Variants in YIPF4 observed in about 807,000 individuals in gnomAD.
The protein encoded by YIPF4 is protein YIPF4.
In YIPF4, 18 loss-of-function variants were observed where a neutral mutation model predicts 29.4. The observed-to-expected ratio is 0.61, with a 90% CI of 0.42 to 0.91. YIPF4 has a LOEUF of 0.91. Ranked by LOEUF, YIPF4 falls within the 40% of genes least tolerant of loss-of-function variation. The pLI is 0.00. For missense variants in YIPF4, 279 were observed against 282.7 expected, an observed-to-expected ratio of 0.99 and a Z score of 0.09; for synonymous variants, 115 against 104.7, an observed-to-expected ratio of 1.10 and a Z score of -0.60.
At chr2:32,283,518 T>C (rs2030526122) in intron 1 of YIPF4, among the ~76,000 whole-genome samples, 1 of 152,192 alleles carries the variant, frequency 6.6e-6, no homozygotes, top group Non-Finnish European at 1.5e-5. Flanking sequence ...GCTTAGAATG[T>C]CTTTCTCCTC....
At chr2:32,294,778 T>C (rs1257634832) in intron 3 of YIPF4, among the ~76,000 whole-genome samples, 3 of 152,036 alleles carry the variant, frequency 2.0e-5, no homozygotes, top group South Asian at 4.2e-4. Context: ...CTGGGCACCA[T>C]TGAGCACTGA....
intron 5 of YIPF4, among the ~76,000 whole-genome samples, chr2:32,303,696 A>G (rs934646156): frequency 6.6e-6 from 1 of 152,158 alleles, no homozygotes; most frequent in Non-Finnish European, 1.5e-5. Flanking sequence ...TAAAAACCCA[A>G]ATTGTAATAT....
intron 4 of YIPF4, 44 bp downstream of exon 4, chr2:32,298,355 G>C: frequency 6.7e-7 from 1 of 1,494,890 alleles, no homozygotes; most frequent in Non-Finnish European, 9.3e-7. Flanking sequence ...TTTATGGTGA[G>C]CTTAGTTTTT....
rs1219852089 is a variant in YIPF4, at chr2:32,306,738, A to T, written c.*1112A>T. 2.5e-5 allele frequency: 8 copies of T among 315,114 alleles called. No homozygotes were observed. Among genetic ancestry groups the T allele is most frequent in the Non-Finnish European group, 3.7e-5 (8 of 217,100 alleles). The allele number at this position is 315,114 out of a possible 1,614,324, so 19.5% of individuals were successfully genotyped here. On this transcript the variant is annotated 3_prime_UTR_variant, in exon 6 of 6. Transcript: ENST00000238831. ...AGGTTTTTAGATACACCTGTAGTTA[A>T]TATTACTTTGTAAAGTAGGTAAATC...
chr2:32,278,678 G>C (rs1417775739), intron 1 of YIPF4, among the ~76,000 whole-genome samples: 1 of 152,154 alleles, frequency 6.6e-6, no homozygotes, highest in East Asian at 1.9e-4. Context: ...TCTGGGATCA[G>C]ATTCGGCACT....
At chr2:32,298,159 C>T in intron 3 of YIPF4, 75 bp from the exon 4 acceptor site, 1 of 1,164,680 alleles carries the variant, frequency 8.6e-7, no homozygotes, top group Non-Finnish European at 1.3e-6. Flanking sequence ...TCATTTATGG[C>T]AGAGAATCGA....
chr2:32,301,039 G>A (rs2031386435), intron 4 of YIPF4, among the ~76,000 whole-genome samples: 1 of 152,148 alleles, frequency 6.6e-6, no homozygotes, highest in Non-Finnish European at 1.5e-5. Flanking sequence ...TGGGATGGTT[G>A]TAGTCCCTTT....
chr2:32,281,488 C>T (rs1179693004), intron 1 of YIPF4, among the ~76,000 whole-genome samples: 1 of 152,084 alleles, frequency 6.6e-6, no homozygotes, highest in Non-Finnish European at 1.5e-5. Flanking sequence ...GTGATCCACC[C>T]ACCTTGGCCT....
At chr2:32,298,508 C>T (rs1446907749) in intron 4 of YIPF4, among the ~76,000 whole-genome samples, 197 bp downstream of exon 4, 1 of 151,968 alleles carries the variant, frequency 6.6e-6, no homozygotes, top group Admixed American at 6.6e-5. Flanking sequence ...AGAAAATATC[C>T]CGTCCCATTT....
In YIPF4 at chr2:32,301,379, C is replaced by A; in HGVS notation, c.484-3C>A. On this transcript the variant is annotated splice_region_variant and splice_polypyrimidine_tract_variant and intron_variant, in intron 4 of 5. Transcript: ENST00000238831. ...ATTTATTTGAAATTTTCAAAATTCA[C>A]AGGTTGCATATGGCCAAGTCCTTGG... is the stretch of plus-strand genomic sequence containing the variant. 2 of 1,575,680 alleles carry A rather than the reference C, an allele frequency of 1.3e-6. No homozygotes were observed. Among genetic ancestry groups the A allele is most frequent in the Non-Finnish European group, 1.7e-6 (2 of 1,155,670 alleles).
rs1312731769 is a variant in YIPF4 at position 32,305,892 on chromosome 2, T to C, written c.*266T>C. 1 of 1,064,504 alleles carries C rather than the reference T, an allele frequency of 9.4e-7. No individual in the cohort carries two copies. Among genetic ancestry groups the C allele is most frequent in the African/African-American group, 1.7e-5 (1 of 60,302 alleles). The allele number at this position is 1,064,504 out of a possible 1,614,324, so 65.9% of individuals were successfully genotyped here. A position where few individuals can be genotyped will look rare whatever the true frequency, so the allele number is the denominator to read the frequency against. On this transcript the variant is annotated 3_prime_UTR_variant, in exon 6 of 6. Transcript: ENST00000238831. ...ATACAAAAGCATTGTGTTTTTAAGATTGTGTCGATATTCACCTAAAAACTT... is the reference window on the plus strand; with the variant it reads ...ATACAAAAGCATTGTGTTTTTAAGACTGTGTCGATATTCACCTAAAAACTT...
chr2:32,303,260 T>C (rs1383328377), intron 5 of YIPF4, among the ~76,000 whole-genome samples: 3 of 152,064 alleles, frequency 2.0e-5, no homozygotes, highest in Non-Finnish European at 2.9e-5. Flanking sequence ...CTTGGGAGGC[T>C]GAGGTGGGAG....
At chr2:32,305,281 G>A (rs1241016190) in intron 5 of YIPF4, among the ~76,000 whole-genome samples, 1 of 152,174 alleles carries the variant, frequency 6.6e-6, no homozygotes, top group Non-Finnish European at 1.5e-5. Context: ...AGACTGGTTT[G>A]ATAAGACCAC....
At chr2:32,301,850 T>G (rs1446878609) in intron 5 of YIPF4, among the ~76,000 whole-genome samples, 1 of 151,970 alleles carries the variant, frequency 6.6e-6, no homozygotes, top group Non-Finnish European at 1.5e-5. Context: ...GGACTACATG[T>G]GTGTGCCACC....
chr2:32,303,410 C>T (rs1291199712), intron 5 of YIPF4, among the ~76,000 whole-genome samples: 1 of 152,162 alleles, frequency 6.6e-6, no homozygotes, highest in Non-Finnish European at 1.5e-5. Context: ...GTTGTTATTA[C>T]AAATATTATA....
intron 1 of YIPF4, among the ~76,000 whole-genome samples, chr2:32,282,469 G>A (rs1201367660): frequency 6.6e-6 from 1 of 152,164 alleles, no homozygotes; most frequent in Non-Finnish European, 1.5e-5. Flanking sequence ...GTCTCGCCCT[G>A]TCGCCCAGGC....
intron 1 of YIPF4, 52 bp from the exon 2 acceptor site, chr2:32,290,431 G>A: frequency 7.6e-7 from 1 of 1,312,422 alleles, no homozygotes. Flanking sequence ...CTTTGGTTAA[G>A]ATTCACATGT....
chr2:32,292,229 T>C lies in YIPF4; in HGVS notation c.286T>C (p.Leu96=). 1 of 1,601,746 alleles carries C rather than the reference T, an allele frequency of 6.2e-7. No individual in the cohort carries two copies. Among genetic ancestry groups the C allele is most frequent in the Non-Finnish European group, 8.5e-7 (1 of 1,173,636 alleles). The change falls in exon 3 of 6, where the codon TTG becomes CTG. Residue 96 remains leucine (L), a synonymous_variant. Coordinates refer to ENST00000238831, the MANE Select transcript of YIPF4 (RefSeq NM_032312.4). ...TATTTACTACAAAATCCGATGTGTT[T>C]TGATGCCAATGCCATCACTTGGTTT... ...KDIYYKIRCV[L]MPMPSLGFNR...
chr2:32,300,454 AAG>A lies in YIPF4; in HGVS notation c.484-925_484-924del, dbSNP rs1350566748. On this transcript the variant is annotated intron_variant, in intron 4 of 5. Transcript: ENST00000238831. ...GTCTTTAAAAAAAAAAAAAAAAAAA[AAG>A]AGTTTCTTTTATCCCTTCTATTTTC... Among the ~76,000 whole-genome samples the A allele has an allele frequency of 6.2e-4, 94 of 151,464 alleles. 1 individual carries two copies. The highest frequency in any genetic ancestry group is 5.2e-3 in the East Asian group (27 of 5,168).
Sources: gnomAD v4.1 joint callset for allele counts (sites outside exome capture counted in the v4.1 genomes callset) on GRCh38, gnomAD v4.1.1 for gene constraint, MANE v1.5 for transcripts, NCBI Gene and HGNC (gene_info 2026-07-23, HGNC 2026-07-21) for gene names.